Variants in SHISA9 observed in about 807,000 individuals in gnomAD.
SHISA9 encodes the protein shisa family member 9, also known as protein shisa-9.
A neutral mutation model predicts 38.0 loss-of-function variants in SHISA9; 13 were observed. The observed-to-expected ratio is 0.34, with a 90% CI of 0.22 to 0.54. The LOEUF (loss-of-function observed/expected upper bound fraction) is 0.54. SHISA9 is among the 20% of genes least tolerant of loss of function. SHISA9 has a pLI of 0.91. For synonymous variants in SHISA9, 275 were observed against 242.0 expected, an observed-to-expected ratio of 1.14 and a Z score of -1.27; for missense variants, 538 against 575.8, an observed-to-expected ratio of 0.93 and a Z score of 0.67.
chr16:13,391,285 G>C, the SHISA9 span, among the ~76,000 whole-genome samples: 2 of 152,092 alleles, frequency 1.3e-5, no homozygotes, highest in Non-Finnish European at 2.9e-5. Context: ...ACTTAGTCTT[G>C]GTATAATTCA....
At chr16:13,477,336 T>C in the SHISA9 span, among the ~76,000 whole-genome samples, 2 of 151,976 alleles carry the variant, frequency 1.3e-5, no homozygotes, top group Non-Finnish European at 2.9e-5. Context: ...TTAGAAAAGC[T>C]CTCTCAGAGA....
intron 2 of SHISA9, among the ~76,000 whole-genome samples, chr16:12,976,006 C>G (rs981121406): frequency 2.6e-5 from 4 of 152,006 alleles, no homozygotes; most frequent in African/African-American, 9.7e-5. Flanking sequence ...CAATTAGTTT[C>G]ACTTGGCAAC....
At chr16:13,369,472 AT>A in the SHISA9 span, among the ~76,000 whole-genome samples, 7 of 152,338 alleles carry the variant, frequency 4.6e-5, no homozygotes, top group South Asian at 1.2e-3. Context: ...TGAGCAGAAC[AT>A]ATCCTGGAAA....
At chr16:13,122,255 T>C (rs2050218406) in intron 2 of SHISA9, among the ~76,000 whole-genome samples, 1 of 152,240 alleles carries the variant, frequency 6.6e-6, no homozygotes, top group African/African-American at 2.4e-5. Context: ...CGAATTCTTT[T>C]GCTGCTGCTC....
At chr16:13,311,199 G>C in the SHISA9 span, among the ~76,000 whole-genome samples, 1 of 150,812 alleles carries the variant, frequency 6.6e-6, no homozygotes, top group Non-Finnish European at 1.5e-5. Context: ...CATTCATAAG[G>C]CTACCAGGTT....
chr16:13,264,502 G>A, the SHISA9 span, among the ~76,000 whole-genome samples: 3 of 152,090 alleles, frequency 2.0e-5, no homozygotes, highest in Non-Finnish European at 4.4e-5. Flanking sequence ...GAGGAAACCA[G>A]GGGCGGAGTT....
chr16:13,517,719 T>G, the SHISA9 span, among the ~76,000 whole-genome samples: 93 of 152,236 alleles, frequency 6.1e-4, 1 homozygote, highest in African/African-American at 2.0e-3. Flanking sequence ...GACCTCAGAT[T>G]CTATATTACC....
In SHISA9 at chr16:13,204,643, C is replaced by T. The variant is rs549579218; in HGVS notation, c.847+1094C>T. ...CTGCTCTTCAGGATTTAAGTATTTA[C>T]GGGAGTGGGCAGCCTGGGGCTGCTA... On this transcript the variant is annotated intron_variant, in intron 3 of 4. Transcript: ENST00000558583. 9.8e-4 allele frequency among the ~76,000 whole-genome samples: 149 copies of T among 152,328 alleles called. 1 individual carries two copies. The highest frequency in any genetic ancestry group is 3.4e-3 in the African/African-American group (140 of 41,582).
the SHISA9 span, among the ~76,000 whole-genome samples, chr16:13,376,997 A>G: frequency 6.6e-6 from 1 of 152,228 alleles, no homozygotes; most frequent in Non-Finnish European, 1.5e-5. Flanking sequence ...ATTTGTATCA[A>G]AAAAGACAGA....
At chr16:12,904,530 G>C (rs1200972149) in intron 1 of SHISA9, among the ~76,000 whole-genome samples, 2 of 152,162 alleles carry the variant, frequency 1.3e-5, no homozygotes, top group Non-Finnish European at 2.9e-5. Flanking sequence ...GCTCTGCTGG[G>C]GGAAAAATGA....
At chr16:13,295,788 G>T in the SHISA9 span, among the ~76,000 whole-genome samples, 1 of 152,146 alleles carries the variant, frequency 6.6e-6, no homozygotes, top group South Asian at 2.1e-4. Flanking sequence ...ATCACACAAT[G>T]CAGTGGTCCT....
At chr16:13,186,304 T>C (rs1202020480) in intron 2 of SHISA9, among the ~76,000 whole-genome samples, 5 of 142,478 alleles carry the variant, frequency 3.5e-5, no homozygotes, top group African/African-American at 5.3e-5. Context: ...TTTTTTTTTT[T>C]TTTTTTTTTT....
At chr16:13,308,030 C>A in the SHISA9 span, among the ~76,000 whole-genome samples, 2 of 152,158 alleles carry the variant, frequency 1.3e-5, no homozygotes, top group Non-Finnish European at 2.9e-5. Flanking sequence ...TCTGTTCTTG[C>A]CTCATTCCAC....
At chr16:13,382,713 C>A in the SHISA9 span, among the ~76,000 whole-genome samples, 18 of 151,474 alleles carry the variant, frequency 1.2e-4, no homozygotes, top group Admixed American at 8.6e-4. Flanking sequence ...AAAAAATTAG[C>A]CGGGTGTTGT....
chr16:13,339,911 A>G, the SHISA9 span, among the ~76,000 whole-genome samples: 4 of 152,340 alleles, frequency 2.6e-5, no homozygotes, highest in East Asian at 7.7e-4. Context: ...ATAATGTACT[A>G]TACACCTTAG....
At chr16:13,299,025 G>A in the SHISA9 span, among the ~76,000 whole-genome samples, 1 of 152,176 alleles carries the variant, frequency 6.6e-6, no homozygotes, top group South Asian at 2.1e-4. Flanking sequence ...AGAGCTGCAA[G>A]GATAAGGCAA....
chr16:13,386,809 C>T, the SHISA9 span, among the ~76,000 whole-genome samples: 196 of 152,132 alleles, frequency 1.3e-3, 1 homozygote, highest in African/African-American at 4.5e-3. Flanking sequence ...TGTTTAATTA[C>T]TTTGTAATTG....
the SHISA9 span, among the ~76,000 whole-genome samples, chr16:13,348,706 C>T: frequency 9.2e-5 from 14 of 151,872 alleles, no homozygotes; most frequent in Non-Finnish European, 2.9e-5. Context: ...GTGATCAGCT[C>T]TAGTCTAATC....
intron 2 of SHISA9, among the ~76,000 whole-genome samples, chr16:13,015,291 T>C (rs191364418): frequency 8.7e-4 from 133 of 152,380 alleles, no homozygotes; most frequent in Non-Finnish European, 1.5e-3. Flanking sequence ...GAATATTAAC[T>C]ATCTGCCCCT....
Sources: allele counts gnomAD v4.1 joint callset (sites outside exome capture counted in the v4.1 genomes callset), GRCh38; gene constraint gnomAD v4.1.1; transcripts MANE v1.5; gene names NCBI Gene and HGNC (gene_info 2026-07-23, HGNC 2026-07-21).